The following SGCZ variants were observed in gnomAD, a reference collection of about 807,000 sequenced individuals.
SGCZ encodes zeta-sarcoglycan.
A neutral mutation model predicts 41.3 loss-of-function variants in SGCZ; 40 were observed. The observed-to-expected ratio is 0.97, with a 90% CI of 0.75 to 1.26. SGCZ has a LOEUF of 1.26. Ranked by LOEUF, SGCZ falls within the 50% of genes most tolerant of loss-of-function variation. The pLI, the probability that SGCZ is intolerant of heterozygous loss-of-function variation, is 0.00. For missense variants in SGCZ, 552 were observed against 369.8 expected, an observed-to-expected ratio of 1.49 and a Z score of -4.04; for synonymous variants, 206 against 137.5, an observed-to-expected ratio of 1.50 and a Z score of -3.49.
At chr8:14,457,809 T>TA (rs1484872634) in intron 2 of SGCZ, among the ~76,000 whole-genome samples, 3 of 152,140 alleles carry the variant, frequency 2.0e-5, no homozygotes, top group Non-Finnish European at 2.9e-5. Context: ...TCACATTTTT[T>TA]ACCCTGCCCC....
chr8:14,375,670 C>T (rs141066926), intron 2 of SGCZ, among the ~76,000 whole-genome samples: 3,036 of 152,144 alleles, frequency 0.02, 81 homozygotes, highest in African/African-American at 0.056. Flanking sequence ...AGTTACACAA[C>T]TGTGGAAAAT....
chr8:14,939,439 A>T, intron 1 of SGCZ, among the ~76,000 whole-genome samples: 1 of 152,278 alleles, frequency 6.6e-6, no homozygotes, highest in South Asian at 2.1e-4. Context: ...TTGACATTTC[A>T]CCTACTAAAA....
intron 4 of SGCZ, among the ~76,000 whole-genome samples, chr8:14,214,193 T>C (rs183936522): frequency 6.6e-6 from 1 of 152,248 alleles, no homozygotes; most frequent in East Asian, 1.9e-4. Context: ...TTCAGTGTAA[T>C]TATCAGAAAA....
intron 1 of SGCZ, among the ~76,000 whole-genome samples, chr8:14,607,475 A>G (rs928232507): frequency 5.9e-5 from 9 of 152,100 alleles, no homozygotes; most frequent in African/African-American, 1.9e-4. Flanking sequence ...AAAATAATCT[A>G]TTTTCAAACA....
chr8:14,874,562 T>C (rs1043502684), intron 1 of SGCZ, among the ~76,000 whole-genome samples: 2 of 152,170 alleles, frequency 1.3e-5, no homozygotes, highest in African/African-American at 4.8e-5. Context: ...TTTATATAGA[T>C]AAGTAAAATA....
intron 2 of SGCZ, among the ~76,000 whole-genome samples, chr8:14,449,852 A>G (rs1309422144): frequency 6.6e-6 from 1 of 152,200 alleles, no homozygotes; most frequent in Non-Finnish European, 1.5e-5. Context: ...ACTGAGATGA[A>G]TTAGTATTGG....
chr8:14,399,669 A>C (rs1347035441), intron 2 of SGCZ, among the ~76,000 whole-genome samples: 3 of 152,112 alleles, frequency 2.0e-5, no homozygotes, highest in Non-Finnish European at 4.4e-5. Flanking sequence ...AAAAGAAGAT[A>C]ATATTTTATT....
At chr8:14,890,534 G>C (rs1804972932) in intron 1 of SGCZ, among the ~76,000 whole-genome samples, 1 of 152,176 alleles carries the variant, frequency 6.6e-6, no homozygotes, top group African/African-American at 2.4e-5. Flanking sequence ...AAAGTTTGAA[G>C]CTAGAATAAG....
At chr8:14,705,990 C>A (rs1481562113) in intron 1 of SGCZ, among the ~76,000 whole-genome samples, 1 of 151,756 alleles carries the variant, frequency 6.6e-6, no homozygotes, top group Non-Finnish European at 1.5e-5. Context: ...AGCTTAGAAT[C>A]ATAATAGAAA....
intron 1 of SGCZ, among the ~76,000 whole-genome samples, chr8:14,735,250 G>T (rs891518496): frequency 6.6e-5 from 10 of 152,114 alleles, no homozygotes. Flanking sequence ...GTAAAGTATT[G>T]TTCTGGGGTG....
intron 1 of SGCZ, among the ~76,000 whole-genome samples, chr8:15,064,844 T>A (rs1805068559): frequency 6.6e-6 from 1 of 152,178 alleles, no homozygotes. Flanking sequence ...ACTGGCTTTC[T>A]GTGTAGAGAG....
chr8:14,694,753 A>C (rs750250786), intron 1 of SGCZ, among the ~76,000 whole-genome samples: 1 of 152,094 alleles, frequency 6.6e-6, no homozygotes, highest in African/African-American at 2.4e-5. Context: ...AATAACTCAT[A>C]TTTATTTATC....
intron 1 of SGCZ, among the ~76,000 whole-genome samples, chr8:14,932,721 T>C (rs1799953389): frequency 6.6e-6 from 1 of 152,074 alleles, no homozygotes; most frequent in Non-Finnish European, 1.5e-5. Flanking sequence ...ACATGTGTAA[T>C]TTTTTAAAAA....
chr8:14,188,312 T>C (rs1871096), intron 4 of SGCZ, among the ~76,000 whole-genome samples: 114,936 of 152,158 alleles, frequency 0.76, 44,486 homozygotes, highest in African/African-American at 0.92. Context: ...CTTTTCTTCC[T>C]TTGTGTGATT....
chr8:14,943,009 C>G (rs1262777498), intron 1 of SGCZ, among the ~76,000 whole-genome samples: 1 of 152,140 alleles, frequency 6.6e-6, no homozygotes, highest in South Asian at 2.1e-4. Flanking sequence ...ACACATTCAA[C>G]TCTTACATTT....
intron 1 of SGCZ, among the ~76,000 whole-genome samples, chr8:15,078,144 C>CTTTT (rs1304445722): frequency 1.4e-5 from 1 of 71,850 alleles, no homozygotes; most frequent in Non-Finnish European, 2.5e-5. Flanking sequence ...GGCAGGAACT[C>CTTTT]TTCTTTTTTT....
chr8:14,677,910 A>G (rs1808325992), intron 1 of SGCZ, among the ~76,000 whole-genome samples: 1 of 152,250 alleles, frequency 6.6e-6, no homozygotes, highest in Non-Finnish European at 1.5e-5. Context: ...TATTTACTAT[A>G]AAGCTATGGA....
At chr8:15,137,354 T>C (rs1808150122) in intron 1 of SGCZ, among the ~76,000 whole-genome samples, 1 of 152,154 alleles carries the variant, frequency 6.6e-6, no homozygotes, top group Admixed American at 6.5e-5. Context: ...GAAAACCCCA[T>C]TTTCTGGGGA....
intron 2 of SGCZ, among the ~76,000 whole-genome samples, chr8:14,428,906 G>A (rs1799865819): frequency 6.6e-6 from 1 of 152,166 alleles, no homozygotes; most frequent in Non-Finnish European, 1.5e-5. Flanking sequence ...TGCTTTCATA[G>A]TTTCAATAAA....
Sources: allele counts gnomAD v4.1 joint callset (sites outside exome capture counted in the v4.1 genomes callset), GRCh38; gene constraint gnomAD v4.1.1; transcripts MANE v1.5; gene names NCBI Gene and HGNC (gene_info 2026-07-23, HGNC 2026-07-21).